The following STPG4 variants were observed in gnomAD, a reference collection of about 807,000 sequenced individuals.
The protein encoded by STPG4 is sperm-tail PG-rich repeat containing 4, also known as protein STPG4.
STPG4 carries 41 observed loss-of-function variants against 31.5 expected under a neutral mutation model. The observed-to-expected ratio is 1.30, with a 90% CI of 1.01 to 1.69. The LOEUF (loss-of-function observed/expected upper bound fraction) is 1.69, where lower values mean the gene tolerates loss of function less well. STPG4 is among the 40% of genes most tolerant of loss of function. The probability of loss-of-function intolerance (pLI) is 0.00; values close to 1 mark genes in which losing one functional copy is unlikely to be tolerated. For synonymous variants in STPG4, 141 were observed against 103.0 expected, an observed-to-expected ratio of 1.37 and a Z score of -2.24; for missense variants, 375 against 293.4, an observed-to-expected ratio of 1.28 and a Z score of -2.03.
chr2:47,107,064 A>G (rs1436976447), intron 5 of STPG4, among the ~76,000 whole-genome samples: 3 of 151,890 alleles, frequency 2.0e-5, no homozygotes, highest in Non-Finnish European at 4.4e-5. Flanking sequence ...CAAATTCCCA[A>G]CAGCAGTTGG....
At chr2:47,119,840 G>T (rs1008450175) in intron 5 of STPG4, among the ~76,000 whole-genome samples, 1 of 152,190 alleles carries the variant, frequency 6.6e-6, no homozygotes, top group Non-Finnish European at 1.5e-5. Flanking sequence ...TGGCTTGCAG[G>T]TAAGAATTTT....
chr2:47,113,452 G>A (rs1686081117), intron 5 of STPG4, among the ~76,000 whole-genome samples: 1 of 152,042 alleles, frequency 6.6e-6, no homozygotes, highest in South Asian at 2.1e-4. Flanking sequence ...CAAGTAACTG[G>A]TTAATAAACA....
chr2:47,110,899 C>A (rs79071795), intron 5 of STPG4, among the ~76,000 whole-genome samples: 4,009 of 152,212 alleles, frequency 0.026, 184 homozygotes, highest in African/African-American at 0.091. Flanking sequence ...AAAATGATTT[C>A]CCCTCTGCTA....
intron 1 of STPG4, among the ~76,000 whole-genome samples, chr2:47,154,067 A>T (rs1558691026): frequency 6.6e-6 from 1 of 152,168 alleles, no homozygotes; most frequent in East Asian, 1.9e-4. Context: ...CCTTTCATTT[A>T]TAATGCCTTT....
Position 47,150,851 on chromosome 2 carries a change from G to A in STPG4, c.399+407C>T, listed in dbSNP as rs148715325. 5.8e-3 allele frequency among the ~76,000 whole-genome samples: 881 copies of A among 152,030 alleles called. 11 individuals are homozygous for A. Among genetic ancestry groups the A allele is most frequent in the African/African-American group, 0.02 (847 of 41,468 alleles). On this transcript the variant is annotated intron_variant, in intron 3 of 6. Coordinates refer to ENST00000445927, the MANE Select transcript of STPG4 (RefSeq NM_001163561.2). ...AAAAGTTTTTAAAAGCTTCCCTGTG[G>A]TATGTAGTTATATTTATGCTCTAAT...
intron 5 of STPG4, among the ~76,000 whole-genome samples, chr2:47,101,952 G>C (rs992043496): frequency 6.6e-6 from 1 of 151,668 alleles, no homozygotes. Flanking sequence ...TGTCGGTAAG[G>C]GCCACTAAAT....
In STPG4 at chr2:47,117,759, G is replaced by C. The variant is rs111361478; in HGVS notation, c.519+12182C>G. 5.0e-3 allele frequency among the ~76,000 whole-genome samples: 755 copies of C among 152,084 alleles called. 11 individuals carry two copies. The highest frequency in any genetic ancestry group is 0.01 in the Middle Eastern group (3 of 292). On this transcript the variant is annotated intron_variant, in intron 5 of 6. Transcript: ENST00000445927. ...TATCAACAATGCCTACTTGGCATAG[G>C]GTGTCACACACATAAGCATCCAAAA...
chr2:47,139,788 T>C (rs1014570581), intron 3 of STPG4, among the ~76,000 whole-genome samples: 3 of 152,152 alleles, frequency 2.0e-5, no homozygotes, highest in Non-Finnish European at 4.4e-5. Flanking sequence ...TTGGTGTAGT[T>C]AGACCAATTA....
At chr2:47,144,489 G>C (rs985994014) in intron 3 of STPG4, among the ~76,000 whole-genome samples, 1 of 152,052 alleles carries the variant, frequency 6.6e-6, no homozygotes, top group Non-Finnish European at 1.5e-5. Context: ...TTTAAAACCA[G>C]CCTGGGTAAC....
chr2:47,098,345 G>C (rs1176681814), intron 5 of STPG4, among the ~76,000 whole-genome samples: 1 of 152,206 alleles, frequency 6.6e-6, no homozygotes, highest in African/African-American at 2.4e-5. Context: ...CCTCATGCCA[G>C]CCTGGTGCAG....
chr2:47,142,649 C>G (rs572001278), intron 3 of STPG4, among the ~76,000 whole-genome samples: 1 of 152,112 alleles, frequency 6.6e-6, no homozygotes, highest in East Asian at 1.9e-4. Flanking sequence ...AAATGGAAAC[C>G]ACTGTTGGTG....
At position 47,151,527 on chromosome 2, in the gene STPG4, T is replaced by A; in HGVS notation, c.142-12A>T. 6.2e-7 allele frequency: 1 copy of A among 1,611,440 alleles called. No homozygotes were observed. Among genetic ancestry groups the A allele is most frequent in the Non-Finnish European group, 8.5e-7 (1 of 1,178,620 alleles). Reference sequence around the variant, plus strand: ...GGTATAGGAGTATCCTGTGGAAAATTGACATCAGTTTTAAGATTGTGTAAA... The same window carrying A: ...GGTATAGGAGTATCCTGTGGAAAATAGACATCAGTTTTAAGATTGTGTAAA... On this transcript the variant is annotated splice_polypyrimidine_tract_variant and intron_variant, in intron 2 of 6. Coordinates refer to ENST00000445927, the MANE Select transcript of STPG4 (RefSeq NM_001163561.2).
intron 5 of STPG4, among the ~76,000 whole-genome samples, chr2:47,110,213 A>T (rs1686008140): frequency 6.6e-6 from 1 of 152,236 alleles, no homozygotes; most frequent in Admixed American, 6.5e-5. Context: ...AGAAAGTGGG[A>T]CTATTTTTAT....
intron 3 of STPG4, among the ~76,000 whole-genome samples, chr2:47,149,320 A>G (rs1686892896): frequency 6.6e-6 from 1 of 152,236 alleles, no homozygotes; most frequent in South Asian, 2.1e-4. Flanking sequence ...TCTCCTTTCA[A>G]CACTGGGCCT....
At chr2:47,129,226 G>A in intron 5 of STPG4, 1 of 152,708 alleles carries the variant, frequency 6.5e-6, no homozygotes, top group Non-Finnish European at 1.5e-5. Context: ...TCTTGAAGCT[G>A]CAAGCTGTGC....
chr2:47,107,322 G>A (rs1054468368), intron 5 of STPG4, among the ~76,000 whole-genome samples: 7 of 152,112 alleles, frequency 4.6e-5, no homozygotes, highest in African/African-American at 7.3e-5. Context: ...TGGTGCTTGC[G>A]GGCCAGCTGG....
chr2:47,137,246 T>A (rs575979727), intron 3 of STPG4, among the ~76,000 whole-genome samples: 2 of 152,354 alleles, frequency 1.3e-5, no homozygotes, highest in East Asian at 3.9e-4. Context: ...CATGATTATG[T>A]GACTTTTCTT....
At chr2:47,140,717 C>T (rs1338350600) in intron 3 of STPG4, among the ~76,000 whole-genome samples, 1 of 152,154 alleles carries the variant, frequency 6.6e-6, no homozygotes, top group East Asian at 1.9e-4. Context: ...AAGCTATTTA[C>T]ATGCAGAACT....
intron 5 of STPG4, among the ~76,000 whole-genome samples, chr2:47,097,650 C>T (rs1685700024): frequency 6.6e-6 from 1 of 152,186 alleles, no homozygotes; most frequent in Non-Finnish European, 1.5e-5. Context: ...GGGCCCTCAT[C>T]AGACACCAAC....
Sources: gnomAD v4.1 joint callset for allele counts (sites outside exome capture counted in the v4.1 genomes callset) on GRCh38, gnomAD v4.1.1 for gene constraint, MANE v1.5 for transcripts, NCBI Gene and HGNC (gene_info 2026-07-23, HGNC 2026-07-21) for gene names.